The following PPP2R3B variants were observed in gnomAD, a reference collection of about 807,000 sequenced individuals.
PPP2R3B encodes serine/threonine-protein phosphatase 2A regulatory subunit B'' subunit beta.
Under a neutral mutation model 72.9 loss-of-function variants are expected in PPP2R3B, and 68 were observed. The ratio of observed to expected loss-of-function variants is 0.93; its 90% confidence interval spans 0.77 to 1.14. The LOEUF (loss-of-function observed/expected upper bound fraction) is 1.14. Ranked by LOEUF, PPP2R3B falls within the 50% of genes most tolerant of loss-of-function variation. The pLI is 0.00. For missense variants in PPP2R3B, 1,018 were observed against 842.0 expected, an observed-to-expected ratio of 1.21 and a Z score of -2.59; for synonymous variants, 466 against 375.8, an observed-to-expected ratio of 1.24 and a Z score of -2.78.
Position 338,908 on chromosome X carries a change from G to A in PPP2R3B, c.1352-12C>T, listed in dbSNP as rs1450572384. On this transcript the variant is annotated splice_polypyrimidine_tract_variant and intron_variant, in intron 10 of 12. Transcript: ENST00000390665. ...CAGCGTGATCTTCCCTGCGGGGAGGGGAGTGCGTCCAAGGCGCGTGAGCCC... is the reference window on the plus strand; with the variant it reads ...CAGCGTGATCTTCCCTGCGGGGAGGAGAGTGCGTCCAAGGCGCGTGAGCCC... 2 of 1,609,616 alleles carry A rather than the reference G, an allele frequency of 1.2e-6. No individual in the cohort carries two copies. Among genetic ancestry groups the A allele is most frequent in the Admixed American group, 1.7e-5 (1 of 60,000 alleles).
chrX:386,331 A>T (rs778520065), intron 1 of PPP2R3B, 37 bp downstream of exon 1: 2 of 1,288,770 alleles, frequency 1.6e-6, no homozygotes, highest in Non-Finnish European at 2.0e-6. Context: ...GACCAGAGCC[A>T]CCTGCGCAGT....
Position 334,403 on chromosome X carries a change from C to G in PPP2R3B, c.1692G>C (p.Glu564Asp). ...CCAGGTCCTCGTCCCCGCATGCGTA[C>G]TCGTACAGGTCCACGGCGCCCAGCG... ...PSPLGAVDLY[E>D]YACGDEDLEP... Residue 564 changes from glutamate to aspartate, a missense_variant, in exon 13 of 13, where the codon GAG becomes GAC. By Grantham distance (45) the Glu-to-Asp change is conservative. Transcript: ENST00000390665. 6.3e-7 allele frequency: 1 copy of G among 1,582,570 alleles called. No individual in the cohort carries two copies. The highest frequency in any genetic ancestry group is 8.5e-7 in the Non-Finnish European group (1 of 1,171,062).
chrX:345,797 G>T, intron 6 of PPP2R3B, 125 bp from the exon 7 acceptor site: 1 of 471,804 alleles, frequency 2.1e-6, no homozygotes, highest in Non-Finnish European at 3.5e-6. Context: ...GGGGGACTGG[G>T]CAGCTGGGGC....
chrX:339,195 A>G (rs1392018218), intron 10 of PPP2R3B, among the ~76,000 whole-genome samples: 1 of 149,368 alleles, frequency 6.7e-6, no homozygotes, highest in Non-Finnish European at 1.5e-5. Flanking sequence ...CTGAAATTAC[A>G]GAGAACGGAG....
chrX:340,958 C>G lies in PPP2R3B; in HGVS notation c.1176-18G>C, dbSNP rs1158636476. The G allele has an allele frequency of 1.2e-6, 2 of 1,605,336 alleles. No homozygotes were observed. The highest frequency in any genetic ancestry group is 1.1e-5 in the South Asian group (1 of 90,760). ...ACTCGATGCTGCGGCACGGCGAGCTCTGTCAGCCCCTGCCCTGGGCCCTCC... is the reference window on the plus strand; with the variant it reads ...ACTCGATGCTGCGGCACGGCGAGCTGTGTCAGCCCCTGCCCTGGGCCCTCC... On this transcript the variant is annotated intron_variant, in intron 9 of 12. Coordinates refer to ENST00000390665, the MANE Select transcript of PPP2R3B (RefSeq NM_013239.5).
At chrX:380,145 G>C (rs527799847) in intron 1 of PPP2R3B, among the ~76,000 whole-genome samples, 62 of 152,190 alleles carry the variant, frequency 4.1e-4, no homozygotes, top group African/African-American at 1.4e-3. Flanking sequence ...ATAAATAGGA[G>C]AAAATATTTG....
At chrX:371,515 G>A (rs751638261) in intron 1 of PPP2R3B, among the ~76,000 whole-genome samples, 1 of 152,238 alleles carries the variant, frequency 6.6e-6, no homozygotes, top group East Asian at 1.9e-4. Context: ...CAGAAGCCCA[G>A]GTGGGACGTC....
chrX:355,805 G>A (rs1460950726), intron 2 of PPP2R3B, among the ~76,000 whole-genome samples: 4 of 152,242 alleles, frequency 2.6e-5, no homozygotes, highest in South Asian at 2.1e-4. Context: ...CTGAGGTAGC[G>A]TGGGATGAGG....
At position 386,888 on chromosome X, in the gene PPP2R3B, G is replaced by A; in HGVS notation, c.-197C>T. On this transcript the variant is annotated 5_prime_UTR_variant, in exon 1 of 13. Transcript: ENST00000390665. ...CCGAGGAGGGGGCGCGGTCCGGCCC[G>A]CGCTGCTCAGGGCAGCTTCAAAACG... 5.2e-6 allele frequency: 1 copy of A among 193,398 alleles called. No homozygotes were observed. The highest frequency in any genetic ancestry group is 1.0e-5 in the Non-Finnish European group (1 of 97,364). The allele number at this position is 193,398 out of a possible 1,614,324, so 12.0% of individuals were successfully genotyped here.
chrX:358,271 C>T (rs2071475297), intron 2 of PPP2R3B, among the ~76,000 whole-genome samples: 1 of 152,140 alleles, frequency 6.6e-6, no homozygotes, highest in East Asian at 1.9e-4. Context: ...GGCGGGGAAG[C>T]TGAAGTTTGC....
At position 356,923 on chromosome X, in the gene PPP2R3B, C is replaced by CCG. The variant is rs1569397964; in HGVS notation, c.510+4481_510+4482insCG. ...GCGAGCCCCACGGTAACCACGCCTT[C>CCG]GCCAGCCACACAGCGAGCCCCACAG... On this transcript the variant is annotated intron_variant, in intron 2 of 12. Transcript: ENST00000390665. 8.7e-4 allele frequency among the ~76,000 whole-genome samples: 83 copies of CCG among 94,868 alleles called. 1 individual carries two copies. Among genetic ancestry groups the CCG allele is most frequent in the East Asian group, 3.2e-3 (8 of 2,508 alleles). The allele number at this position is 94,868 out of a possible 152,430, so 62.2% of individuals were successfully genotyped here.
intron 1 of PPP2R3B, 36 bp downstream of exon 1, chrX:386,332 C>A: frequency 1.5e-6 from 2 of 1,300,538 alleles, no homozygotes; most frequent in Non-Finnish European, 2.0e-6. Flanking sequence ...ACCAGAGCCA[C>A]CTGCGCAGTT....
chrX:339,354 C>T (rs1330297947), intron 10 of PPP2R3B, among the ~76,000 whole-genome samples: 1 of 116,692 alleles, frequency 8.6e-6, no homozygotes, highest in African/African-American at 3.4e-5. Context: ...TTCTGAGATG[C>T]AGAAGGAAGC....
rs764125954 is a variant in PPP2R3B at position 347,252 on chromosome X, G to A, written c.699C>T (p.Asp233=). ...CTCTCACCTGCAAGAAGGGGACAAA[G>A]TCCTCCTGCACCAGGTAGTTGCAGC... ...SPGCNYLVQE[D]FVPFLQDVVN... The change falls in exon 4 of 13, where the codon GAC becomes GAT. Residue 233 remains aspartate, a synonymous_variant. Coordinates refer to ENST00000390665, the MANE Select transcript of PPP2R3B (RefSeq NM_013239.5). The A allele has an allele frequency of 9.3e-6, 15 of 1,613,588 alleles. No individual in the cohort carries two copies. In the African/African-American group the frequency reaches 1.6e-4, roughly 17 times the overall value.
intron 7 of PPP2R3B, among the ~76,000 whole-genome samples, chrX:343,991 G>GGAGGCGGGAGGGAGACGTCTCCAAGGA (rs2071135119): frequency 9.5e-6 from 1 of 104,922 alleles, no homozygotes; most frequent in Non-Finnish European, 2.1e-5. Context: ...CTCAGCAACG[G>GGAGGCGGGAGGGAGACGTCTCCAAGGA]GAGGCGGGAG....
intron 7 of PPP2R3B, chrX:345,076 G>A: frequency 2.3e-6 from 1 of 438,816 alleles, no homozygotes. Context: ...GGCTCCCGCG[G>A]AGGTATATGA....
At chrX:364,696 C>A (rs866895101) in intron 1 of PPP2R3B, among the ~76,000 whole-genome samples, 1 of 61,784 alleles carries the variant, frequency 1.6e-5, no homozygotes, top group Non-Finnish European at 2.8e-5. Flanking sequence ...CCAGCCTGGG[C>A]GACAGAGTGA....
chrX:380,612 C>G (rs1315669550), intron 1 of PPP2R3B, among the ~76,000 whole-genome samples: 4 of 151,744 alleles, frequency 2.6e-5, no homozygotes, highest in Non-Finnish European at 5.9e-5. Context: ...ATAGTGAAAC[C>G]CCATCTCTAC....
At chrX:379,973 C>T (rs1360254535) in intron 1 of PPP2R3B, among the ~76,000 whole-genome samples, 2 of 152,158 alleles carry the variant, frequency 1.3e-5, no homozygotes, top group African/African-American at 4.8e-5. Context: ...GACGTACGTA[C>T]TCAACTGACT....
Sources: gnomAD v4.1 joint callset for allele counts (sites outside exome capture counted in the v4.1 genomes callset) on GRCh38, gnomAD v4.1.1 for gene constraint, MANE v1.5 for transcripts, NCBI Gene and HGNC (gene_info 2026-07-23, HGNC 2026-07-21) for gene names.